The following NEB variants were observed in gnomAD, a reference collection of about 807,000 sequenced individuals.
NEB encodes the protein nemaline myopathy type 2.
NEB carries 512 observed loss-of-function variants against 952.2 expected under a neutral mutation model. That is an observed-to-expected ratio of 0.54 (90% CI 0.50 to 0.58). The LOEUF is 0.58. NEB is among the 20% of genes least tolerant of loss of function. The pLI is 0.00. For synonymous variants in NEB, 2,900 were observed against 3,149.8 expected, an observed-to-expected ratio of 0.92 and a Z score of 2.66; for missense variants, 8,428 against 9,231.1, an observed-to-expected ratio of 0.91 and a Z score of 3.56.
intron 6 of NEB, 134 bp downstream of exon 6, chr2:151,725,319 G>T: frequency 1.3e-6 from 1 of 747,670 alleles, no homozygotes; most frequent in Non-Finnish European, 2.2e-6. Context: ...TATGGTTCAT[G>T]CTTTTCTAGA....
intron 156 of NEB, among the ~76,000 whole-genome samples, chr2:151,517,835 G>T (rs1468458172): frequency 6.6e-6 from 1 of 152,174 alleles, no homozygotes; most frequent in Non-Finnish European, 1.5e-5. Context: ...ATAATCTTAT[G>T]GGACCACTGT....
chr2:151,612,442 G>T, intron 77 of NEB, 53 bp from the exon 78 acceptor site: 1 of 1,479,730 alleles, frequency 6.8e-7, no homozygotes, highest in South Asian at 1.2e-5. Flanking sequence ...ACGGCCTGGT[G>T]CCTGATCCTG....
Position 151,552,757 on chromosome 2 carries a change from A to G in NEB, c.19751T>C (p.Met6584Thr), listed in dbSNP as rs190605644. Reference sequence around the variant, plus strand: ...CTTGTAGTCATTCCTTGTTTTCAACATGTGAGCTTTATACTTGATCTGCCG... The same window carrying G: ...CTTGTAGTCATTCCTTGTTTTCAACGTGTGAGCTTTATACTTGATCTGCCG... ...LRDDIKYKAH[M>T]LKTRNDYKLV... The change falls in exon 128 of 182, where the codon ATG (methionine) becomes ACG (threonine). Residue 6584 changes from methionine (M) to threonine (T), a missense_variant. By Grantham distance (81) the Met-to-Thr change is moderately conservative. Coordinates refer to ENST00000397345, the MANE Select transcript of NEB (RefSeq NM_001164508.2). 9 of 1,612,708 alleles carry G rather than the reference A, an allele frequency of 5.6e-6. No homozygotes were observed. The highest frequency in any genetic ancestry group is 3.3e-5 in the Admixed American group (2 of 59,924).
intron 78 of NEB, 79 bp from the exon 79 acceptor site, chr2:151,610,945 A>G (rs779468361): frequency 1.2e-6 from 1 of 847,740 alleles, no homozygotes; most frequent in Non-Finnish European, 1.8e-6. Context: ...ACATCATTAC[A>G]GTTGTTAGCA....
intron 107 of NEB, among the ~76,000 whole-genome samples, chr2:151,572,889 GC>G (rs2096691551): frequency 7.1e-6 from 1 of 139,872 alleles, no homozygotes; most frequent in African/African-American, 2.6e-5. Flanking sequence ...AAAAAAAAAA[GC>G]CCGGGGCCTG....
chr2:151,512,448 T>C (rs1024062024), intron 161 of NEB, among the ~76,000 whole-genome samples: 1 of 151,972 alleles, frequency 6.6e-6, no homozygotes, highest in Non-Finnish European at 1.5e-5. Flanking sequence ...ACCTCAGCCT[T>C]CCTAGAAGCT....
At chr2:151,516,632 AT>A in intron 156 of NEB, 69 bp from the exon 157 acceptor site, 1 of 1,010,052 alleles carries the variant, frequency 9.9e-7, no homozygotes. Flanking sequence ...TAAGGATAGT[AT>A]TTTTTAATTG....
Position 151,643,805 on chromosome 2 carries a change from A to G in NEB, c.7956+13T>C, listed in dbSNP as rs2098918845. ...ATAATGTTTTGTTGGCCAAAGGAAA[A>G]TCTTAGACTCACATCGCTCTGGAGG... On this transcript the variant is annotated intron_variant, in intron 57 of 181. Transcript: ENST00000397345. 1 of 1,609,096 alleles carries G rather than the reference A, an allele frequency of 6.2e-7. No homozygotes were observed.
intron 48 of NEB, among the ~76,000 whole-genome samples, chr2:151,657,257 T>C (rs2099095588): frequency 6.6e-6 from 1 of 151,894 alleles, no homozygotes; most frequent in Non-Finnish European, 1.5e-5. Context: ...AGAATAGAGA[T>C]GGGAGAGAAA....
At chr2:151,682,528 T>C in intron 29 of NEB, 134 bp downstream of exon 29, 1 of 694,224 alleles carries the variant, frequency 1.4e-6, no homozygotes, top group Non-Finnish European at 2.4e-6. Flanking sequence ...CCTGGGTAAT[T>C]TGTGCACGTG....
At chr2:151,702,557 G>T (rs1242020815) in intron 13 of NEB, among the ~76,000 whole-genome samples, 1 of 151,646 alleles carries the variant, frequency 6.6e-6, no homozygotes, top group Non-Finnish European at 1.5e-5. Context: ...TTCCTGTATT[G>T]GGTGCATATA....
chr2:151,546,175 T>C (rs2094650259), intron 134 of NEB, among the ~76,000 whole-genome samples, 170 bp downstream of exon 134: 1 of 152,146 alleles, frequency 6.6e-6, no homozygotes, highest in Admixed American at 6.6e-5. Flanking sequence ...GCACCTTTCA[T>C]AGGAGGCACA....
Position 151,650,885 on chromosome 2 carries a change from A to G in NEB, c.6916T>C (p.Tyr2306His), listed in dbSNP as rs1392601442. 1 of 1,602,972 alleles carries G rather than the reference A, an allele frequency of 6.2e-7. No homozygotes were observed. Among genetic ancestry groups the G allele is most frequent in the Admixed American group, 1.7e-5 (1 of 59,120 alleles). ...AKASRDIASD[Y>H]KYKQGYRKQL... ...TTTCGGTAGCCTTGTTTGTATTTATACTGAAATCAGAGAAAACACAGCTCT... is the reference window on the plus strand; with the variant it reads ...TTTCGGTAGCCTTGTTTGTATTTATGCTGAAATCAGAGAAAACACAGCTCT... The change falls in exon 53 of 182, where the codon TAT (tyrosine) becomes CAT (histidine). Residue 2306 changes from tyrosine (Y) to histidine (H), a missense_variant and splice_region_variant. Coordinates refer to ENST00000397345, the MANE Select transcript of NEB (RefSeq NM_001164508.2).
intron 153 of NEB, among the ~76,000 whole-genome samples, chr2:151,522,693 G>A (rs2082705516): frequency 6.6e-6 from 1 of 152,228 alleles, no homozygotes; most frequent in African/African-American, 2.4e-5. Context: ...ACAAGAATCA[G>A]AGGAAGACAG....
intron 105 of NEB, 118 bp downstream of exon 105, chr2:151,579,220 T>C (rs2097038974): frequency 1.4e-6 from 1 of 714,242 alleles, no homozygotes; most frequent in South Asian, 2.0e-5. Flanking sequence ...CAATTAATAA[T>C]TCTGATAAAA....
rs762595663 is a variant in NEB, at chr2:151,682,713, A to G, written c.2892T>C (p.Phe964=). Residue 964 remains phenylalanine, a synonymous_variant, in exon 29 of 182, where the codon TTT becomes TTC. Transcript: ENST00000397345. The part of the protein sequence containing the change: ...SWMKGCGWVP[F]GSLEMEKAKR... ...TTGCCTTTTCCATTTCTAAGGACCCAAAAGGCACCCAGCCACAACCTTTCA... is the reference window on the plus strand; with the variant it reads ...TTGCCTTTTCCATTTCTAAGGACCCGAAAGGCACCCAGCCACAACCTTTCA... 7 of 1,612,764 alleles carry G rather than the reference A, an allele frequency of 4.3e-6. No homozygotes were observed. In the East Asian group the frequency reaches 1.6e-4, roughly 36 times the overall value.
intron 153 of NEB, 37 bp downstream of exon 153, chr2:151,524,274 C>T: frequency 6.5e-7 from 1 of 1,549,468 alleles, no homozygotes; most frequent in South Asian, 1.1e-5. Context: ...TTATAATCTC[C>T]TCACATGAGA....
intron 17 of NEB, among the ~76,000 whole-genome samples, chr2:151,696,337 T>C (rs2099595694): frequency 6.6e-6 from 1 of 152,218 alleles, no homozygotes; most frequent in Non-Finnish European, 1.5e-5. Context: ...GGTTAAATCT[T>C]TGGCCACCCA....
At chr2:151,732,879 T>A (rs894128936) in intron 3 of NEB, among the ~76,000 whole-genome samples, 1 of 152,190 alleles carries the variant, frequency 6.6e-6, no homozygotes, top group African/African-American at 2.4e-5. Context: ...TTACTCCAAC[T>A]TGGTTTTTTG....
Sources: gnomAD v4.1 joint callset for allele counts (sites outside exome capture counted in the v4.1 genomes callset) on GRCh38, gnomAD v4.1.1 for gene constraint, MANE v1.5 for transcripts, NCBI Gene and HGNC (gene_info 2026-07-23, HGNC 2026-07-21) for gene names.